RNF169: variants seen among roughly 807,000 people sequenced by gnomAD.
RNF169 encodes ring finger protein 169.
A neutral mutation model predicts 53.9 loss-of-function variants in RNF169; 24 were observed. The observed-to-expected ratio is 0.45, with a 90% CI of 0.32 to 0.63. RNF169 has a LOEUF of 0.63. Ranked by LOEUF, RNF169 falls within the 20% of genes least tolerant of loss-of-function variation. The pLI is 0.04. For synonymous variants in RNF169, 396 were observed against 363.5 expected (o/e 1.09, Z -1.02); for missense variants, 883 against 906.2 (o/e 0.97, Z 0.33).
chr11:74,835,460 C>T lies in RNF169; in HGVS notation c.943-86C>T, dbSNP rs574582989. 3.6e-5 allele frequency: 37 copies of T among 1,018,168 alleles called. No homozygotes were observed. In the African/African-American group the frequency reaches 4.8e-4, roughly 13 times the overall value. 63.1% of individuals were successfully genotyped at this position (1,018,168 alleles called of 1,614,324 possible). A position where few individuals can be genotyped will look rare whatever the true frequency, so the allele number is the denominator to read the frequency against. On this transcript the variant is annotated intron_variant, in intron 5 of 5. Coordinates refer to ENST00000299563, the MANE Select transcript of RNF169 (RefSeq NM_001098638.2). ...ATCCCTTTTCTTGTCCTCCCCTTCC[C>T]TGTGCCTCCACCATCATAAAGGAAT...
At chr11:74,803,590 A>T (rs2035764327) in intron 2 of RNF169, among the ~76,000 whole-genome samples, 1 of 152,224 alleles carries the variant, frequency 6.6e-6, no homozygotes, top group East Asian at 1.9e-4. Context: ...AAAAGATTAT[A>T]ATCAGAATTT....
chr11:74,829,866 G>C (rs1350513938), intron 4 of RNF169, among the ~76,000 whole-genome samples: 1 of 152,112 alleles, frequency 6.6e-6, no homozygotes, highest in Admixed American at 6.5e-5. Flanking sequence ...AATGGGGGTG[G>C]GAGGAGGGAG....
chr11:74,788,146 A>G (rs1358765387), intron 1 of RNF169, among the ~76,000 whole-genome samples: 2 of 152,174 alleles, frequency 1.3e-5, no homozygotes, highest in Non-Finnish European at 2.9e-5. Context: ...GGCTTGGAAA[A>G]TGGCATCCAG....
rs1299751308 is a variant in RNF169, at chr11:74,785,276, GAT to G, written c.503-4341_503-4340del. The stretch of plus-strand genomic sequence containing the variant: ...TTAGATATATATGTTATATATATTA[GAT>G]ATATATATGTTATATATATTAGAGA... On this transcript the variant is annotated intron_variant, in intron 1 of 5. Transcript: ENST00000299563. Among the ~76,000 whole-genome samples, 76 of 135,562 alleles carry G rather than the reference GAT, an allele frequency of 5.6e-4. 1 individual carries two copies. The highest frequency in any genetic ancestry group is 1.7e-3 in the African/African-American group (59 of 35,612). 88.9% of individuals were successfully genotyped at this position (135,562 alleles called of 152,430 possible).
rs113224877 is a variant in RNF169 at position 74,785,272 on chromosome 11, A to G, written c.503-4354A>G. On this transcript the variant is annotated intron_variant, in intron 1 of 5. Transcript: ENST00000299563. ...TATGTTAGATATATATGTTATATAT[A>G]TTAGATATATATATGTTATATATAT... Among the ~76,000 whole-genome samples the G allele has an allele frequency of 8.2e-3, 1,152 of 140,904 alleles. 32 individuals are homozygous for G. The highest frequency in any genetic ancestry group is 0.029 in the African/African-American group (1,074 of 37,560). The allele number at this position is 140,904 out of a possible 152,430, so 92.4% of individuals were successfully genotyped here.
At position 74,760,258 on chromosome 11, in the gene RNF169, C is replaced by G. The variant is rs530160424; in HGVS notation, c.502+10876C>G. Among the ~76,000 whole-genome samples, 377 of 152,232 alleles carry G rather than the reference C, an allele frequency of 2.5e-3. 1 individual carries two copies. Among genetic ancestry groups the G allele is most frequent in the African/African-American group, 8.5e-3 (352 of 41,538 alleles). ...CAATTTTGTTGATCCTTTCAAAAAA[C>G]CAGCTCCTGGATTCATTGATTTTTT... On this transcript the variant is annotated intron_variant, in intron 1 of 5. Transcript: ENST00000299563.
intron 4 of RNF169, among the ~76,000 whole-genome samples, chr11:74,828,432 T>G (rs2036130359): frequency 6.6e-6 from 1 of 152,212 alleles, no homozygotes; most frequent in African/African-American, 2.4e-5. Context: ...TCAATTCTAT[T>G]CCCATTAAAC....
chr11:74,829,946 C>A (rs1042471722), intron 4 of RNF169, among the ~76,000 whole-genome samples: 1 of 152,104 alleles, frequency 6.6e-6, no homozygotes. Flanking sequence ...GTGCAGCAAA[C>A]CACCATGACA....
intron 2 of RNF169, among the ~76,000 whole-genome samples, chr11:74,806,783 A>G (rs941233401): frequency 6.6e-6 from 1 of 151,710 alleles, no homozygotes; most frequent in Admixed American, 6.6e-5. Context: ...GGTTTCTACC[A>G]TAGTTCACTC....
intron 1 of RNF169, among the ~76,000 whole-genome samples, chr11:74,777,128 A>G (rs1454500738): frequency 6.6e-6 from 1 of 152,246 alleles, no homozygotes; most frequent in African/African-American, 2.4e-5. Flanking sequence ...TTGGAGGATT[A>G]GGTGAGATAA....
intron 4 of RNF169, among the ~76,000 whole-genome samples, chr11:74,820,552 T>C (rs2135131299): frequency 6.6e-6 from 1 of 151,340 alleles, no homozygotes; most frequent in African/African-American, 2.4e-5. Context: ...GGAGAGGAGA[T>C]TATGAGAAGA....
intron 1 of RNF169, among the ~76,000 whole-genome samples, chr11:74,785,231 T>TTAGA (rs1565176557): frequency 1.8e-4 from 16 of 87,018 alleles, no homozygotes; most frequent in East Asian, 1.0e-3. Flanking sequence ...GTTATATATA[T>TTAGA]TATATATATG....
At chr11:74,763,136 A>G (rs1239189937) in intron 1 of RNF169, among the ~76,000 whole-genome samples, 1 of 152,234 alleles carries the variant, frequency 6.6e-6, no homozygotes, top group African/African-American at 2.4e-5. Context: ...TTGAAGCACA[A>G]GATCTATACT....
intron 2 of RNF169, among the ~76,000 whole-genome samples, chr11:74,799,933 T>C (rs2135101202): frequency 6.6e-6 from 1 of 151,012 alleles, no homozygotes; most frequent in South Asian, 2.1e-4. Context: ...TTAGATCACA[T>C]TATGCATGCC....
chr11:74,805,230 A>G (rs1022895793), intron 2 of RNF169, among the ~76,000 whole-genome samples: 1 of 152,258 alleles, frequency 6.6e-6, no homozygotes, highest in African/African-American at 2.4e-5. Flanking sequence ...TAAACTCAGT[A>G]GCATGGATGA....
chr11:74,762,280 G>A (rs1018712714), intron 1 of RNF169, among the ~76,000 whole-genome samples: 11 of 150,486 alleles, frequency 7.3e-5, no homozygotes, highest in African/African-American at 2.7e-4. Context: ...TAATTTGATC[G>A]TCTGAAGCCT....
intron 3 of RNF169, among the ~76,000 whole-genome samples, chr11:74,816,443 A>C (rs1197723722): frequency 6.6e-6 from 1 of 152,214 alleles, no homozygotes; most frequent in Admixed American, 6.5e-5. Context: ...AATGAGGCAA[A>C]ACTTCATTAC....
chr11:74,766,228 G>A (rs1176215985), intron 1 of RNF169, among the ~76,000 whole-genome samples: 1 of 152,172 alleles, frequency 6.6e-6, no homozygotes, highest in Admixed American at 6.5e-5. Flanking sequence ...TAACTAATTA[G>A]CAAAGAGTAA....
At position 74,835,886 on chromosome 11, in the gene RNF169, C is replaced by T. The variant is rs762946473; in HGVS notation, c.1283C>T (p.Pro428Leu). 1 of 1,614,144 alleles carries T rather than the reference C, an allele frequency of 6.2e-7. No homozygotes were observed. The highest frequency in any genetic ancestry group is 8.5e-7 in the Non-Finnish European group (1 of 1,180,036). The change falls in exon 6 of 6, where the codon CCA (proline) becomes CTA (leucine). Residue 428 changes from proline (P) to leucine (L), a missense_variant. Physicochemically the swap from Pro to Leu is moderately conservative, Grantham distance 98 (BLOSUM62 -3). Coordinates refer to ENST00000299563, the MANE Select transcript of RNF169 (RefSeq NM_001098638.2). Reference sequence around the variant, plus strand: ...AAGCAGACTTCTTATGAGGCCAGTCCACGGATCCTCAAAAAGTGGGAACAG... The same window carrying T: ...AAGCAGACTTCTTATGAGGCCAGTCTACGGATCCTCAAAAAGTGGGAACAG... ...LQKQTSYEAS[P>L]RILKKWEQIF...
Sources: gnomAD v4.1 joint callset for allele counts (sites outside exome capture counted in the v4.1 genomes callset) on GRCh38, gnomAD v4.1.1 for gene constraint, MANE v1.5 for transcripts, NCBI Gene and HGNC (gene_info 2026-07-23, HGNC 2026-07-21) for gene names.